PDHX: variants seen among roughly 807,000 people sequenced by gnomAD.
PDHX encodes pyruvate dehydrogenase protein X component, mitochondrial.
In PDHX, 33 loss-of-function variants were observed where a neutral mutation model predicts 55.3. The ratio of observed to expected loss-of-function variants is 0.60; its 90% CI spans 0.45 to 0.80. The LOEUF is 0.80. PDHX is among the 30% of genes least tolerant of loss of function. PDHX has a pLI of 0.00. For missense variants in PDHX, 622 were observed against 619.9 expected (o/e 1.00, Z -0.04); for synonymous variants, 226 against 219.4 (o/e 1.03, Z -0.27).
chr11:34,916,570 G>A, upstream of PDHX: 1 of 1,564,310 alleles, frequency 6.4e-7, no homozygotes, highest in South Asian at 1.1e-5. Flanking sequence ...GCTAGCGTCT[G>A]GGGGCGTGGC....
intron 8 of PDHX, among the ~76,000 whole-genome samples, chr11:34,981,195 C>T (rs1250727772): frequency 6.6e-6 from 1 of 152,104 alleles, no homozygotes; most frequent in Non-Finnish European, 1.5e-5. Flanking sequence ...TTCCCTTTCC[C>T]TGTGTCCATG....
chr11:34,916,441 G>A (rs1479298201), upstream of PDHX: 2 of 1,472,756 alleles, frequency 1.4e-6, no homozygotes, highest in Non-Finnish European at 9.0e-7. Flanking sequence ...GTCTGGTAAG[G>A]CCCCGCCGGC....
chr11:34,916,889 A>G, intron 1 of PDHX, 74 bp downstream of exon 1: 1 of 1,394,938 alleles, frequency 7.2e-7, no homozygotes, highest in Non-Finnish European at 9.9e-7. Context: ...GTTATGATTG[A>G]GGGCCTGCTT....
intron 2 of PDHX, among the ~76,000 whole-genome samples, chr11:34,944,326 G>T (rs1335173235): frequency 6.6e-6 from 1 of 151,776 alleles, no homozygotes; most frequent in Non-Finnish European, 1.5e-5. Flanking sequence ...CACAATGTTG[G>T]CCAGGCTGGT....
intron 9 of PDHX, among the ~76,000 whole-genome samples, chr11:34,985,552 T>C (rs1175193547): frequency 6.6e-6 from 1 of 152,202 alleles, no homozygotes; most frequent in South Asian, 2.1e-4. Context: ...CACCAAAAAA[T>C]AGTACATCGA....
At chr11:34,934,735 T>C (rs984777456) in intron 2 of PDHX, among the ~76,000 whole-genome samples, 1 of 151,612 alleles carries the variant, frequency 6.6e-6, no homozygotes, top group African/African-American at 2.4e-5. Context: ...TGCGCCACCA[T>C]GCCTGGTTAG....
chr11:34,950,023 T>C (rs1934366299), intron 3 of PDHX, among the ~76,000 whole-genome samples: 1 of 152,186 alleles, frequency 6.6e-6, no homozygotes, highest in Non-Finnish European at 1.5e-5. Context: ...CTCGGTACTA[T>C]TCACCTTCTT....
rs544330039 is a variant in PDHX, at chr11:34,995,034, G to A, written c.1368G>A (p.Glu456=). The A allele has an allele frequency of 1.2e-6, 2 of 1,614,056 alleles. No individual in the cohort carries two copies. Among genetic ancestry groups the A allele is most frequent in the Admixed American group, 3.3e-5 (2 of 60,002 alleles). The part of the protein sequence containing the change: ...RPVLKLTEDE[E]GNAKLQQRQL... The stretch of plus-strand genomic sequence containing the variant: ...TGCTGAAGCTCACTGAGGATGAAGA[G>A]GGAAATGCCAAACTGCAGCAGCGCC... Residue 456 remains glutamate, a synonymous_variant, in exon 11 of 11, where the codon GAG becomes GAA. Transcript: ENST00000227868.
chr11:34,929,357 A>G (rs3794161), intron 1 of PDHX, among the ~76,000 whole-genome samples: 28,815 of 152,050 alleles, frequency 0.19, 3,906 homozygotes, highest in African/African-American at 0.39. Flanking sequence ...CAGCCCCCCA[A>G]ATAGCTGGGA....
chr11:34,928,838 ATTTAGTTCTCCAGCAT>A (rs1167665220), intron 1 of PDHX, among the ~76,000 whole-genome samples: 4 of 152,198 alleles, frequency 2.6e-5, no homozygotes. Flanking sequence ...TCACTCAAGA[ATTTAGTTCTCCAGCAT>A]TTTATAGACA....
At chr11:34,954,636 C>T (rs1854862889) in intron 3 of PDHX, among the ~76,000 whole-genome samples, 1 of 152,084 alleles carries the variant, frequency 6.6e-6, no homozygotes, top group African/African-American at 2.4e-5. Flanking sequence ...GGGGTCAGTC[C>T]CCTGTAGTCT....
intron 3 of PDHX, among the ~76,000 whole-genome samples, chr11:34,951,878 A>G (rs1032550588): frequency 1.9e-4 from 29 of 152,288 alleles, no homozygotes; most frequent in African/African-American, 6.7e-4. Flanking sequence ...TTTTGTATAC[A>G]GTGTAAGGAA....
chr11:34,927,221 A>AC (rs1322859914), intron 1 of PDHX, among the ~76,000 whole-genome samples: 3 of 55,558 alleles, frequency 5.4e-5, no homozygotes, highest in African/African-American at 2.1e-4. Context: ...TGAAGTGACT[A>AC]CAAAACGTTA....
At chr11:34,960,714 C>T (rs1172276837) in intron 5 of PDHX, among the ~76,000 whole-genome samples, 196 bp downstream of exon 5, 1 of 152,096 alleles carries the variant, frequency 6.6e-6, no homozygotes, top group African/African-American at 2.4e-5. Context: ...TATAGCATTA[C>T]TGAAGAACAG....
At chr11:34,936,712 G>A (rs1393593880) in intron 2 of PDHX, among the ~76,000 whole-genome samples, 2 of 151,678 alleles carry the variant, frequency 1.3e-5, no homozygotes, top group African/African-American at 4.8e-5. Flanking sequence ...CAGTCTGTGA[G>A]GGTCCTTATC....
upstream of PDHX, chr11:34,916,038 TCTC>T (rs1257347774): frequency 1.4e-6 from 1 of 703,916 alleles, no homozygotes; most frequent in Admixed American, 3.0e-5. Context: ...AGACCACTGA[TCTC>T]CTGGGGCCTC....
At chr11:34,943,149 A>C (rs987261260) in intron 2 of PDHX, among the ~76,000 whole-genome samples, 3 of 152,218 alleles carry the variant, frequency 2.0e-5, no homozygotes, top group Non-Finnish European at 2.9e-5. Flanking sequence ...AAAACATTTA[A>C]GTGTCCTGTC....
chr11:34,960,169 C>G (rs1169243125), intron 4 of PDHX, among the ~76,000 whole-genome samples: 1 of 152,168 alleles, frequency 6.6e-6, no homozygotes, highest in Non-Finnish European at 1.5e-5. Flanking sequence ...AATAGCAGCT[C>G]TTTCCCCTAA....
At chr11:34,980,572 T>G (rs1855488640) in intron 8 of PDHX, among the ~76,000 whole-genome samples, 1 of 152,208 alleles carries the variant, frequency 6.6e-6, no homozygotes, top group East Asian at 1.9e-4. Flanking sequence ...TTTACTTTAG[T>G]GTTGTCTATG....
Sources: allele counts gnomAD v4.1 joint callset (sites outside exome capture counted in the v4.1 genomes callset), GRCh38; gene constraint gnomAD v4.1.1; transcripts MANE v1.5; gene names NCBI Gene and HGNC (gene_info 2026-07-23, HGNC 2026-07-21).